The following DSCAML1 variants were observed in gnomAD, a reference collection of about 807,000 sequenced individuals.
DSCAML1 encodes DS cell adhesion molecule like 1, also known as cell adhesion molecule DSCAML1.
A neutral mutation model predicts 200.5 loss-of-function variants in DSCAML1; 38 were observed. That is an observed-to-expected ratio of 0.19 (90% confidence interval 0.15 to 0.25). The LOEUF is 0.25. DSCAML1 is among the 10% of genes least tolerant of loss of function. The probability of loss-of-function intolerance (pLI) is 1.00; values close to 1 mark genes in which losing one functional copy is unlikely to be tolerated. For synonymous variants in DSCAML1, 1,215 were observed against 1,165.0 expected, an observed-to-expected ratio of 1.04 and a Z score of -0.87; for missense variants, 2,223 against 2,858.8, an observed-to-expected ratio of 0.78 and a Z score of 5.07.
intron 8 of DSCAML1, among the ~76,000 whole-genome samples, chr11:117,506,803 T>C (rs7123652): frequency 0.22 from 33,951 of 151,924 alleles, 3,995 homozygotes; most frequent in African/African-American, 0.27. Context: ...CACCTCAACA[T>C]CGGAAAGTTC....
At chr11:117,581,418 A>G (rs115201545) in intron 3 of DSCAML1, among the ~76,000 whole-genome samples, 2,390 of 152,278 alleles carry the variant, frequency 0.016, 58 homozygotes, top group African/African-American at 0.054. Flanking sequence ...GAACAGTTCC[A>G]TCCCCTGCCA....
chr11:117,639,926 G>A (rs1313002428), intron 3 of DSCAML1, among the ~76,000 whole-genome samples: 1 of 152,014 alleles, frequency 6.6e-6, no homozygotes, highest in African/African-American at 2.4e-5. Flanking sequence ...TGCCATCCAA[G>A]CCCCACAGGA....
chr11:117,782,017 G>A (rs964406311), intron 1 of DSCAML1, among the ~76,000 whole-genome samples: 1 of 152,190 alleles, frequency 6.6e-6, no homozygotes, highest in Admixed American at 6.5e-5. Context: ...CAACCCAGAG[G>A]AAGAGACGGC....
chr11:117,718,341 C>A (rs2053987381), intron 3 of DSCAML1, among the ~76,000 whole-genome samples: 1 of 152,192 alleles, frequency 6.6e-6, no homozygotes, highest in Non-Finnish European at 1.5e-5. Flanking sequence ...GCTCCCAGGA[C>A]CCTTCATAAG....
chr11:117,685,589 T>C (rs1431768787), intron 3 of DSCAML1, among the ~76,000 whole-genome samples: 1 of 152,152 alleles, frequency 6.6e-6, no homozygotes, highest in Non-Finnish European at 1.5e-5. Flanking sequence ...CACGGGTGCC[T>C]ACAAATATTC....
intron 3 of DSCAML1, among the ~76,000 whole-genome samples, chr11:117,751,709 C>G (rs563427824): frequency 6.6e-6 from 1 of 152,192 alleles, no homozygotes; most frequent in Non-Finnish European, 1.5e-5. Flanking sequence ...CAGAAAGCCA[C>G]CTGGGGGAAA....
chr11:117,732,738 C>A (rs930773927), intron 3 of DSCAML1, among the ~76,000 whole-genome samples: 2 of 152,186 alleles, frequency 1.3e-5, no homozygotes, highest in African/African-American at 4.8e-5. Context: ...ACAGTGACGA[C>A]TGCCCAGCTT....
At chr11:117,712,139 C>A (rs1393066258) in intron 3 of DSCAML1, among the ~76,000 whole-genome samples, 1 of 151,926 alleles carries the variant, frequency 6.6e-6, no homozygotes. Context: ...ACACGTTGCA[C>A]TGAAATAAAA....
At chr11:117,513,331 T>C (rs1025859549) in intron 8 of DSCAML1, among the ~76,000 whole-genome samples, 2 of 152,168 alleles carry the variant, frequency 1.3e-5, no homozygotes, top group Non-Finnish European at 2.9e-5. Context: ...CCCTTCCACA[T>C]GGCTCCCTCG....
intron 1 of DSCAML1, among the ~76,000 whole-genome samples, chr11:117,807,200 T>C (rs940451459): frequency 1.4e-4 from 21 of 152,222 alleles, no homozygotes; most frequent in Admixed American, 6.5e-5. Flanking sequence ...ATGGCATCTC[T>C]CTGCCTCCTC....
intron 3 of DSCAML1, among the ~76,000 whole-genome samples, chr11:117,580,379 T>A (rs536031): frequency 0.2 from 30,972 of 152,102 alleles, 3,583 homozygotes; most frequent in South Asian, 0.45. Context: ...TAGAGCGAGG[T>A]TTGGAAGAGG....
In DSCAML1 at chr11:117,471,319, G is replaced by C. The variant is rs2048681022; in HGVS notation, c.2953+550C>G. ...CCTGATTAGCTGGAACTACAGGCATGCGCCACCACGCCCAGCTAATTTTTG... is the reference window on the plus strand; with the variant it reads ...CCTGATTAGCTGGAACTACAGGCATCCGCCACCACGCCCAGCTAATTTTTG... On this transcript the variant is annotated intron_variant, in intron 15 of 32. Transcript: ENST00000651296. 2.0e-5 allele frequency among the ~76,000 whole-genome samples: 3 copies of C among 152,040 alleles called. No individual in the cohort carries two copies. In the South Asian group the frequency reaches 6.2e-4, roughly 32 times the overall value.
Position 117,643,139 on chromosome 11 carries a change from G to A in DSCAML1, c.512-110617C>T, listed in dbSNP as rs544568870. Among the ~76,000 whole-genome samples, 252 of 152,140 alleles carry A rather than the reference G, an allele frequency of 1.7e-3. 1 individual carries two copies. Among genetic ancestry groups the A allele is most frequent in the African/African-American group, 5.8e-3 (242 of 41,502 alleles). On this transcript the variant is annotated intron_variant, in intron 3 of 32. Coordinates refer to ENST00000651296, the MANE Select transcript of DSCAML1 (RefSeq NM_020693.4). ...GTAGTTCTCTTTGAAGCTTTTATGG[G>A]GCTAGTTTAAGATCCAGAGAAAGAA...
chr11:117,639,312 G>A (rs375650949), intron 3 of DSCAML1, among the ~76,000 whole-genome samples: 8 of 136,416 alleles, frequency 5.9e-5, no homozygotes, highest in African/African-American at 1.6e-4. Context: ...GGCTGGATGG[G>A]TAGGAGGCTG....
intron 3 of DSCAML1, among the ~76,000 whole-genome samples, chr11:117,543,369 A>ACTGGCATGTTGTGTATCTGTG: frequency 6.6e-6 from 1 of 151,720 alleles, no homozygotes; most frequent in East Asian, 1.9e-4. Context: ...GTGTACCTGC[A>ACTGGCATGTTGTGTATCTGTG]CTGGCATGTT....
intron 3 of DSCAML1, among the ~76,000 whole-genome samples, chr11:117,630,382 G>T (rs911589696): frequency 1.3e-5 from 2 of 152,106 alleles, no homozygotes; most frequent in Non-Finnish European, 1.5e-5. Flanking sequence ...CAGTGGCCTT[G>T]CAGACACACA....
At chr11:117,723,788 C>T (rs780212536) in intron 3 of DSCAML1, among the ~76,000 whole-genome samples, 57 of 152,326 alleles carry the variant, frequency 3.7e-4, no homozygotes, top group Non-Finnish European at 7.9e-4. Context: ...GGTGATTTAG[C>T]AACCTCATCT....
chr11:117,690,030 A>C (rs1034836828), intron 3 of DSCAML1, among the ~76,000 whole-genome samples: 1 of 152,228 alleles, frequency 6.6e-6, no homozygotes, highest in Non-Finnish European at 1.5e-5. Context: ...AGCCGCCAGC[A>C]TGCTCCCAGC....
intron 3 of DSCAML1, among the ~76,000 whole-genome samples, chr11:117,553,256 C>T (rs1410324550): frequency 6.6e-6 from 1 of 152,176 alleles, no homozygotes; most frequent in Non-Finnish European, 1.5e-5. Flanking sequence ...ACCAAAAGCA[C>T]AGCTAACAAA....
Sources: gnomAD v4.1 joint callset for allele counts (sites outside exome capture counted in the v4.1 genomes callset) on GRCh38, gnomAD v4.1.1 for gene constraint, MANE v1.5 for transcripts, NCBI Gene and HGNC (gene_info 2026-07-23, HGNC 2026-07-21) for gene names.